PODXL: variants seen among roughly 807,000 people sequenced by gnomAD.
The protein encoded by PODXL is podocalyxin like, also known as podocalyxin.
PODXL carries 20 observed loss-of-function variants against 48.9 expected under a neutral mutation model. The observed-to-expected ratio is 0.41, with a 90% confidence interval of 0.29 to 0.59. The LOEUF (loss-of-function observed/expected upper bound fraction) is 0.59. PODXL is among the 20% of genes least tolerant of loss of function. PODXL has a pLI of 0.31. For missense variants in PODXL, 606 were observed against 675.1 expected (o/e 0.90, Z 1.13); for synonymous variants, 295 against 287.4 (o/e 1.03, Z -0.27).
chr7:131,506,148 T>C, intron 7 of PODXL, 112 bp downstream of exon 7: 2 of 1,544,894 alleles, frequency 1.3e-6, no homozygotes, highest in East Asian at 2.2e-5. Flanking sequence ...CGCCGCCCTC[T>C]TCTACATGCA....
chr7:131,515,539 T>C (rs2116801394), intron 1 of PODXL, among the ~76,000 whole-genome samples: 1 of 152,204 alleles, frequency 6.6e-6, no homozygotes, highest in East Asian at 1.9e-4. Context: ...GTAGCTGAGA[T>C]TACAAGTGCA....
intron 7 of PODXL, 61 bp from the exon 8 acceptor site, chr7:131,506,096 C>T: frequency 6.4e-7 from 1 of 1,573,926 alleles, no homozygotes; most frequent in Non-Finnish European, 8.7e-7. Context: ...CCCCCGGCTT[C>T]ACTGTAGAGC....
At chr7:131,546,509 T>C (rs1798577718) in intron 1 of PODXL, among the ~76,000 whole-genome samples, 1 of 151,926 alleles carries the variant, frequency 6.6e-6, no homozygotes, top group Admixed American at 6.6e-5. Flanking sequence ...GCGGATCACT[T>C]GAGGCCGGGA....
intron 1 of PODXL, among the ~76,000 whole-genome samples, chr7:131,542,853 G>A (rs1798506010): frequency 6.6e-6 from 1 of 152,128 alleles, no homozygotes; most frequent in Admixed American, 6.6e-5. Context: ...GCAGAGCCAG[G>A]ATCACAGGAT....
intron 1 of PODXL, among the ~76,000 whole-genome samples, chr7:131,514,760 C>A (rs972127607): frequency 1.3e-5 from 2 of 151,794 alleles, no homozygotes; most frequent in Non-Finnish European, 2.9e-5. Context: ...GCACGCACCA[C>A]CACACCCAGC....
chr7:131,515,465 G>A (rs554113872), intron 1 of PODXL, among the ~76,000 whole-genome samples: 12 of 151,960 alleles, frequency 7.9e-5, no homozygotes, highest in East Asian at 1.9e-4. Flanking sequence ...GCAATGGTGC[G>A]ATCTCGGCTC....
At chr7:131,523,288 C>T (rs957418169) in intron 1 of PODXL, among the ~76,000 whole-genome samples, 3 of 152,146 alleles carry the variant, frequency 2.0e-5, no homozygotes, top group Non-Finnish European at 4.4e-5. Context: ...AAATCCAACA[C>T]TACATAGAAA....
At chr7:131,537,750 C>T (rs1306053446) in intron 1 of PODXL, among the ~76,000 whole-genome samples, 5 of 152,134 alleles carry the variant, frequency 3.3e-5, no homozygotes, top group Non-Finnish European at 5.9e-5. Context: ...CGAGGGTAAC[C>T]GCTATTATTC....
In PODXL at chr7:131,510,335, GAAAAAAAAAAAA is replaced by G. The variant is rs56367324; in HGVS notation, c.707-16_707-5del. The G allele has an allele frequency of 1.2e-3, 96 of 80,096 alleles. No homozygotes were observed. Among genetic ancestry groups the G allele is most frequent in the Non-Finnish European group, 1.6e-3 (77 of 46,906 alleles). The allele number at this position is 80,096 out of a possible 1,614,324, so 5.0% of individuals were successfully genotyped here. A position where few individuals can be genotyped will look rare whatever the true frequency, so the allele number is the denominator to read the frequency against. ...ACATGGTGAAACACTGTCTCTACTT[GAAAAAAAAAAAA>G]AAAAAAAAAAAAAAATTAGCTGGTG... On this transcript the variant is annotated splice_region_variant and splice_polypyrimidine_tract_variant and intron_variant, in intron 2 of 8. Transcript: ENST00000378555.
Position 131,504,499 on chromosome 7 carries a change from T to C in PODXL, c.1489A>G (p.Thr497Ala). The change falls in exon 9 of 9, where the codon ACA becomes GCA. Residue 497 changes from threonine (T) to alanine (A), a missense_variant. Physicochemically the swap from Thr to Ala is moderately conservative, Grantham distance 58. Transcript: ENST00000378555. ...LSQRKDQQRLTEELQTVENGY... is the reference protein window; with the variant it reads ...LSQRKDQQRLAEELQTVENGY... ...TTCTCCACTGTCTGCAGCTCCTCTG[T>C]TAGCCGCTGCTAGAGTGGGGAAGGT... The C allele has an allele frequency of 6.2e-7, 1 of 1,614,106 alleles. No homozygotes were observed. Among genetic ancestry groups the C allele is most frequent in the Non-Finnish European group, 8.5e-7 (1 of 1,179,924 alleles).
rs1041814564 is a variant in PODXL, at chr7:131,502,109, G to C, written c.*2202C>G. 24 of 152,342 alleles carry C rather than the reference G, an allele frequency of 1.6e-4. No homozygotes were observed. Among genetic ancestry groups the C allele is most frequent in the African/African-American group, 5.1e-4 (21 of 41,540 alleles). The allele number at this position is 152,342 out of a possible 1,614,324, so 9.4% of individuals were successfully genotyped here. ...ATTGATTTGCAGAGGCCTATTTGCT[G>C]TCTCCGTCAAAAGCCCTGGCTGGTG... On this transcript the variant is annotated 3_prime_UTR_variant, in exon 9 of 9. Coordinates refer to ENST00000378555, the MANE Select transcript of PODXL (RefSeq NM_001018111.3).
At chr7:131,525,481 G>A (rs144974340) in intron 1 of PODXL, among the ~76,000 whole-genome samples, 7,197 of 148,336 alleles carry the variant, frequency 0.049, 299 homozygotes, top group East Asian at 0.23. Context: ...ATGGTGGTGC[G>A]TGCCTGTAAT....
chr7:131,506,891 G>T lies in PODXL; in HGVS notation c.1102-165C>A, dbSNP rs866402988. On this transcript the variant is annotated intron_variant, in intron 5 of 8. Coordinates refer to ENST00000378555, the MANE Select transcript of PODXL (RefSeq NM_001018111.3). The stretch of plus-strand genomic sequence containing the variant: ...CCACGCAGGCCTGCCAGGAATCAAG[G>T]GTTGCATGCTGTTCTCCTGGGCCAG... The T allele has an allele frequency of 1.3e-4, 88 of 682,542 alleles. No homozygotes were observed. In the Admixed American group the frequency reaches 1.5e-3, roughly 12 times the overall value. 42.3% of individuals were successfully genotyped at this position (682,542 alleles called of 1,614,324 possible).
intron 1 of PODXL, among the ~76,000 whole-genome samples, chr7:131,539,595 A>C (rs1193680746): frequency 5.3e-5 from 8 of 152,248 alleles, no homozygotes; most frequent in Non-Finnish European, 1.0e-4. Flanking sequence ...CTGGGATTAC[A>C]GGCGTGAGCC....
intron 1 of PODXL, among the ~76,000 whole-genome samples, chr7:131,550,237 G>A (rs1300341745): frequency 1.3e-5 from 2 of 152,228 alleles, no homozygotes; most frequent in Non-Finnish European, 2.9e-5. Context: ...AGTATTCCAG[G>A]CACCCTTAGG....
At chr7:131,518,373 C>T (rs772942774) in intron 1 of PODXL, among the ~76,000 whole-genome samples, 10 of 152,252 alleles carry the variant, frequency 6.6e-5, no homozygotes, top group South Asian at 2.1e-4. Flanking sequence ...AAGAATCAAG[C>T]GTAAGTCAGA....
At position 131,509,405 on chromosome 7, in the gene PODXL, G is replaced by C. The variant is rs764552656; in HGVS notation, c.983C>G (p.Pro328Arg). Reference sequence around the variant, plus strand: ...AGCCACAGTGGGAGAAGGTGTTTTGGGGTATCGGTGGGTAGTTGATGCTGC... The same window carrying C: ...AGCCACAGTGGGAGAAGGTGTTTTGCGGTATCGGTGGGTAGTTGATGCTGC... The part of the protein sequence containing the change: ...PTAASTTHRY[P>R]KTPSPTVAHE... Residue 328 changes from proline (P) to arginine (R), a missense_variant, in exon 4 of 9, where the codon CCC (proline) becomes CGC (arginine). Physicochemically the swap from Pro to Arg is moderately radical, Grantham distance 103. Coordinates refer to ENST00000378555, the MANE Select transcript of PODXL (RefSeq NM_001018111.3). 1 of 1,614,100 alleles carries C rather than the reference G, an allele frequency of 6.2e-7. No individual in the cohort carries two copies.
chr7:131,523,674 G>A (rs1182705700), intron 1 of PODXL, among the ~76,000 whole-genome samples: 11 of 33,568 alleles, frequency 3.3e-4, no homozygotes, highest in Admixed American at 8.1e-4. Context: ...GCGAGAATCC[G>A]TCTCAAAAAA....
At chr7:131,537,496 A>G (rs2116846344) in intron 1 of PODXL, among the ~76,000 whole-genome samples, 1 of 152,228 alleles carries the variant, frequency 6.6e-6, no homozygotes, top group South Asian at 2.1e-4. Flanking sequence ...CTGGGGCAGG[A>G]GAACTGCTTG....
Sources: allele counts gnomAD v4.1 joint callset (sites outside exome capture counted in the v4.1 genomes callset), GRCh38; gene constraint gnomAD v4.1.1; transcripts MANE v1.5; gene names NCBI Gene and HGNC (gene_info 2026-07-23, HGNC 2026-07-21).